The following UCHL5 variants were observed in gnomAD, a reference collection of about 807,000 sequenced individuals.
The protein encoded by UCHL5 is ubiquitin C-terminal hydrolase L5.
A neutral mutation model predicts 53.8 loss-of-function variants in UCHL5; 34 were observed. That is an observed-to-expected ratio of 0.63 (90% CI 0.48 to 0.84). The LOEUF is 0.84. UCHL5 is among the 40% of genes least tolerant of loss of function. The pLI is 0.00. For synonymous variants in UCHL5, 111 were observed against 126.3 expected (o/e 0.88, Z 0.81); for missense variants, 290 against 385.6 (o/e 0.75, Z 2.08).
intron 3 of UCHL5, among the ~76,000 whole-genome samples, chr1:193,043,588 T>G (rs1034177166): frequency 6.6e-6 from 1 of 152,182 alleles, no homozygotes; most frequent in Non-Finnish European, 1.5e-5. Flanking sequence ...TAAGAGTCTT[T>G]GTTTACCTGA....
At chr1:193,023,260 G>A (rs148469078) in intron 8 of UCHL5, among the ~76,000 whole-genome samples, 1,760 of 152,054 alleles carry the variant, frequency 0.012, 16 homozygotes, top group South Asian at 0.034. Flanking sequence ...AACAACCTAC[G>A]CTGTAATATA....
In UCHL5 at chr1:193,022,909, C is replaced by T. The variant is rs974029043; in HGVS notation, c.843+17G>A. The T allele has an allele frequency of 5.2e-6, 8 of 1,552,738 alleles. No individual in the cohort carries two copies. The Admixed American group carries it at 1.0e-4, about 19-fold the overall frequency. On this transcript the variant is annotated intron_variant, in intron 9 of 10. Transcript: ENST00000367454. ...TCTATATTAAAACATTAAAGGAACA[C>T]ATTTTTAAAAACATACCTTGTATCT...
At chr1:193,050,550 T>C (rs1430390637) in intron 2 of UCHL5, among the ~76,000 whole-genome samples, 1 of 151,768 alleles carries the variant, frequency 6.6e-6, no homozygotes, top group African/African-American at 2.4e-5. Flanking sequence ...CTGGACAACA[T>C]AGTGAAACCA....
In UCHL5 at chr1:193,018,804, C is replaced by T. The variant is rs749991912; in HGVS notation, c.942+2293G>A. 9.0e-6 allele frequency: 14 copies of T among 1,561,372 alleles called. No homozygotes were observed. In the African/African-American group the frequency reaches 1.9e-4, roughly 21 times the overall value. ...CTTCTATTCCTTCTCACACCTTGTT[C>T]TTTTATCCTATTTTCCCTGAAAACA... On this transcript the variant is annotated intron_variant, in intron 10 of 10. Coordinates refer to ENST00000367454, the MANE Select transcript of UCHL5 (RefSeq NM_001199261.3).
At chr1:193,044,141 G>A (rs755256823) in intron 3 of UCHL5, among the ~76,000 whole-genome samples, 41 of 152,124 alleles carry the variant, frequency 2.7e-4, no homozygotes, top group Admixed American at 7.2e-4. Context: ...CCTAAACTTC[G>A]TAATATAGTC....
chr1:193,056,921 C>A (rs188423870), intron 1 of UCHL5, among the ~76,000 whole-genome samples: 54 of 152,276 alleles, frequency 3.5e-4, no homozygotes, highest in Admixed American at 3.2e-3. Context: ...TTATTAATAG[C>A]TGCTGATTTT....
chr1:193,038,246 G>T (rs1214500811), intron 3 of UCHL5, among the ~76,000 whole-genome samples: 1 of 151,864 alleles, frequency 6.6e-6, no homozygotes, highest in African/African-American at 2.4e-5. Context: ...TACGAGGTCA[G>T]GAGATCAAGA....
intron 3 of UCHL5, among the ~76,000 whole-genome samples, chr1:193,048,861 G>A (rs913775047): frequency 6.6e-6 from 1 of 152,032 alleles, no homozygotes; most frequent in South Asian, 2.1e-4. Context: ...CAAGTTTATT[G>A]TTGTTACTTT....
intron 1 of UCHL5, among the ~76,000 whole-genome samples, chr1:193,052,399 T>C: frequency 6.6e-6 from 1 of 152,134 alleles, no homozygotes; most frequent in Non-Finnish European, 1.5e-5. Context: ...GTCATTATTG[T>C]CACTGGTGTG....
chr1:193,027,889 G>T, intron 7 of UCHL5, 196 bp downstream of exon 7: 1 of 1,470,416 alleles, frequency 6.8e-7, no homozygotes, highest in Non-Finnish European at 9.0e-7. Context: ...TTGGGAGGTC[G>T]AGGCAGGCGG....
intron 8 of UCHL5, among the ~76,000 whole-genome samples, 169 bp downstream of exon 8, chr1:193,023,675 C>T (rs1658006033): frequency 6.6e-6 from 1 of 152,062 alleles, no homozygotes; most frequent in Admixed American, 6.6e-5. Flanking sequence ...ACTCAGATTC[C>T]TATATCCACT....
upstream of UCHL5, chr1:193,059,525 A>G: frequency 1.3e-6 from 2 of 1,572,076 alleles, no homozygotes; most frequent in Non-Finnish European, 1.7e-6. This position sits in a 1 kb window ranked among gnomAD's most constrained non-coding sequence, Gnocchi z 4.9. Context: ...CCTGAGAAGA[A>G]AGGGCGGTGA....
rs978439508 is a variant in UCHL5, at chr1:193,012,711, T to A, written c.*3640A>T. ...TCCCACCCCTTTTCCCTATTTTTTT[T>A]ACCATTCATACTACTATTTGAAAAG... On this transcript the variant is annotated 3_prime_UTR_variant, in exon 11 of 11. Transcript: ENST00000367454. The A allele has an allele frequency of 6.6e-6, 1 of 152,196 alleles. No individual in the cohort carries two copies. The highest frequency in any genetic ancestry group is 2.4e-5 in the African/African-American group (1 of 41,462). 9.4% of individuals were successfully genotyped at this position (152,196 alleles called of 1,614,324 possible).
At chr1:193,030,150 T>C (rs1571609142) in intron 3 of UCHL5, among the ~76,000 whole-genome samples, 1 of 152,182 alleles carries the variant, frequency 6.6e-6, no homozygotes, top group Non-Finnish European at 1.5e-5. Flanking sequence ...CCACATATTT[T>C]TTTTCACTCA....
At chr1:193,045,614 A>G (rs1003287185) in intron 3 of UCHL5, among the ~76,000 whole-genome samples, 4 of 152,328 alleles carry the variant, frequency 2.6e-5, no homozygotes, top group African/African-American at 9.6e-5. Context: ...GCAGAACTGT[A>G]GGTCAATTAA....
intron 1 of UCHL5, among the ~76,000 whole-genome samples, chr1:193,058,046 G>A (rs1040226394): frequency 8.6e-5 from 13 of 151,974 alleles, no homozygotes; most frequent in Non-Finnish European, 1.8e-4. Context: ...GGCCAGCATG[G>A]TGAAACCCTG....
chr1:193,059,706 T>C, upstream of UCHL5: 1 of 1,354,966 alleles, frequency 7.4e-7, no homozygotes, highest in East Asian at 4.6e-5. The surrounding 1 kb of genome is among the most constrained non-coding windows in gnomAD (Gnocchi z 4.9). Context: ...CCTTCTTTTG[T>C]CGTTTCCCAG....
At chr1:193,025,185 T>C (rs192383551) in intron 7 of UCHL5, among the ~76,000 whole-genome samples, 134 of 152,130 alleles carry the variant, frequency 8.8e-4, no homozygotes, top group Admixed American at 2.6e-3. Context: ...TCTAGCCAAA[T>C]AGAAAAGGTG....
rs1657717320 is a variant in UCHL5, at chr1:193,023,021, C to G, written c.748G>C (p.Asp250His). 6.2e-7 allele frequency: 1 copy of G among 1,612,872 alleles called. No homozygotes were observed. The highest frequency in any genetic ancestry group is 2.2e-5 in the East Asian group (1 of 44,754). Residue 250 changes from aspartate to histidine, a missense_variant, in exon 9 of 11, where the codon GAT (aspartate) becomes CAT (histidine). Transcript: ENST00000367454. ...RQLAEEPMDT[D>H]QGNSMLSAIQ... is the part of the protein sequence containing the mutation. The stretch of plus-strand genomic sequence containing the variant: ...GCACTTAACATACTATTACCTTGAT[C>G]TGTATCCATGGGTTCCTCCTTGGGG...
Sources: gnomAD v4.1 joint callset for allele counts (sites outside exome capture counted in the v4.1 genomes callset) on GRCh38, gnomAD v4.1.1 for gene constraint, Gnocchi (gnomAD v3.1) non-coding constraint, MANE v1.5 for transcripts, NCBI Gene and HGNC (gene_info 2026-07-23, HGNC 2026-07-21) for gene names.